SV2C: variants seen among roughly 807,000 people sequenced by gnomAD.
SV2C encodes solute carrier family 22 member B3.
Under a neutral mutation model 79.7 loss-of-function variants are expected in SV2C, and 49 were observed. The ratio of observed to expected loss-of-function variants is 0.61; its 90% CI spans 0.49 to 0.78. The LOEUF (loss-of-function observed/expected upper bound fraction) is 0.78, where lower values mean the gene tolerates loss of function less well. Among genes scored for constraint, SV2C ranks in the 30% least tolerant of loss-of-function variants. The pLI, the probability that SV2C is intolerant of heterozygous loss-of-function variation, is 0.00. For missense variants in SV2C, 833 were observed against 912.9 expected, an observed-to-expected ratio of 0.91 and a Z score of 1.13; for synonymous variants, 334 against 333.2, an observed-to-expected ratio of 1.00 and a Z score of -0.03.
intron 4 of SV2C, among the ~76,000 whole-genome samples, chr5:76,248,413 T>C (rs759932870): frequency 6.6e-6 from 1 of 152,220 alleles, no homozygotes; most frequent in Non-Finnish European, 1.5e-5. Context: ...TAATCTGCTC[T>C]TCTTATAAGG....
the SV2C span, chr5:75,921,049 T>G: frequency 1.4e-6 from 1 of 740,618 alleles, no homozygotes; most frequent in Admixed American, 2.1e-5. Context: ...TGATGCCATG[T>G]TTCTTGTAGT....
chr5:75,897,908 A>C, the SV2C span, among the ~76,000 whole-genome samples: 1 of 151,844 alleles, frequency 6.6e-6, no homozygotes, highest in Admixed American at 6.5e-5. Flanking sequence ...TGATTTTTGT[A>C]CATTGATTTT....
intron 2 of SV2C, among the ~76,000 whole-genome samples, chr5:76,155,827 A>G (rs554436251): frequency 1.3e-5 from 2 of 151,872 alleles, no homozygotes; most frequent in East Asian, 3.9e-4. Context: ...GCCCTAACTC[A>G]GAGATTTGCC....
the SV2C span, among the ~76,000 whole-genome samples, chr5:75,979,757 T>C: frequency 1.3e-5 from 2 of 152,106 alleles, no homozygotes; most frequent in East Asian, 3.9e-4. Context: ...TAGCACTAAA[T>C]GTCCACATCA....
chr5:75,861,882 G>T, the SV2C span, among the ~76,000 whole-genome samples: 11 of 152,066 alleles, frequency 7.2e-5, no homozygotes, highest in Non-Finnish European at 1.0e-4. Context: ...TCACTACCTG[G>T]GTGATGAGTT....
the SV2C span, among the ~76,000 whole-genome samples, chr5:75,968,941 C>A: frequency 1.1e-4 from 16 of 152,266 alleles, no homozygotes; most frequent in East Asian, 1.9e-4. Flanking sequence ...TCGGGTTACC[C>A]ACAAAGGGAG....
At chr5:75,875,901 C>T in the SV2C span, among the ~76,000 whole-genome samples, 26 of 151,958 alleles carry the variant, frequency 1.7e-4, no homozygotes, top group African/African-American at 6.0e-4. Context: ...GTCAGAATAA[C>T]TATTGTTAAA....
chr5:75,944,450 C>T, the SV2C span, among the ~76,000 whole-genome samples: 1 of 152,018 alleles, frequency 6.6e-6, no homozygotes, highest in Non-Finnish European at 1.5e-5. Context: ...CTGTGCTCAC[C>T]AAGATGGAGT....
At chr5:75,991,588 C>CAT in the SV2C span, among the ~76,000 whole-genome samples, 361 of 137,804 alleles carry the variant, frequency 2.6e-3, 4 homozygotes, top group African/African-American at 9.2e-3. Context: ...TATATATACA[C>CAT]ACATATATAT....
At chr5:76,074,824 T>C in the SV2C span, among the ~76,000 whole-genome samples, 1 of 152,210 alleles carries the variant, frequency 6.6e-6, no homozygotes, top group Non-Finnish European at 1.5e-5. Flanking sequence ...TTCTATGATG[T>C]AGTAACTGTG....
intron 4 of SV2C, chr5:76,242,334 C>T (rs1745814586): frequency 7.0e-7 from 1 of 1,438,678 alleles, no homozygotes. Context: ...AGGTGCTGGA[C>T]GCGGGACGCA....
intron 12 of SV2C, among the ~76,000 whole-genome samples, chr5:76,324,682 A>ACAAAT (rs1748932806): frequency 6.6e-6 from 1 of 151,472 alleles, no homozygotes; most frequent in South Asian, 2.1e-4. Flanking sequence ...CCCCATCTCT[A>ACAAAT]CAAATATTTA....
the SV2C span, among the ~76,000 whole-genome samples, chr5:75,895,945 C>G: frequency 6.6e-6 from 1 of 152,100 alleles, no homozygotes; most frequent in South Asian, 2.1e-4. Flanking sequence ...AAAGATAGAA[C>G]TGTTATTTAT....
At chr5:76,129,704 A>C (rs914114727) in intron 1 of SV2C, among the ~76,000 whole-genome samples, 1 of 152,166 alleles carries the variant, frequency 6.6e-6, no homozygotes, top group South Asian at 2.1e-4. Context: ...AAAAAAGCCA[A>C]ATGCAGTCAG....
chr5:75,870,871 A>C, the SV2C span, among the ~76,000 whole-genome samples: 1 of 152,244 alleles, frequency 6.6e-6, no homozygotes, highest in Non-Finnish European at 1.5e-5. Context: ...GACATATTTA[A>C]ACTGCTAAAG....
chr5:75,873,414 A>G, the SV2C span, among the ~76,000 whole-genome samples: 1 of 152,198 alleles, frequency 6.6e-6, no homozygotes, highest in Non-Finnish European at 1.5e-5. Context: ...CAAAGTTTAG[A>G]AATAATTGTA....
At position 76,278,728 on chromosome 5, in the gene SV2C, A is replaced by G. The variant is rs565573940; in HGVS notation, c.914-6434A>G. Among the ~76,000 whole-genome samples, 5 of 152,364 alleles carry G rather than the reference A, an allele frequency of 3.3e-5. No individual in the cohort carries two copies. The South Asian group carries it at 1.0e-3, about 32-fold the overall frequency. On this transcript the variant is annotated intron_variant, in intron 4 of 12. Transcript: ENST00000502798. ...GCAGAAGATGAGCTCAGATACATGA[A>G]TAGGAAGCAGTCTACATAGGCCTTA...
the SV2C span, among the ~76,000 whole-genome samples, chr5:76,036,099 A>G: frequency 6.6e-6 from 1 of 151,804 alleles, no homozygotes; most frequent in Non-Finnish European, 1.5e-5. Context: ...TTTGCTTGGT[A>G]GATCTTCCTC....
At chr5:75,999,880 C>T in the SV2C span, among the ~76,000 whole-genome samples, 2 of 152,022 alleles carry the variant, frequency 1.3e-5, no homozygotes, top group African/African-American at 4.8e-5. Context: ...GTGTGAGTCT[C>T]ACGTGGAGGA....
Sources: gnomAD v4.1 joint callset for allele counts (sites outside exome capture counted in the v4.1 genomes callset) on GRCh38, gnomAD v4.1.1 for gene constraint, MANE v1.5 for transcripts, NCBI Gene and HGNC (gene_info 2026-07-23, HGNC 2026-07-21) for gene names.